KMO: variants seen among roughly 807,000 people sequenced by gnomAD.
KMO encodes the protein kynurenine 3-hydroxylase.
In KMO, 24 loss-of-function variants were observed where a neutral mutation model predicts 57.8. The observed-to-expected ratio is 0.42, with a 90% CI of 0.30 to 0.58. KMO has a LOEUF of 0.58. KMO is among the 20% of genes least tolerant of loss of function. The pLI is 0.22. For missense variants in KMO, 483 were observed against 588.2 expected (o/e 0.82, Z 1.85); for synonymous variants, 210 against 193.6 (o/e 1.08, Z -0.70).
At chr1:241,538,517 T>C (rs949579761) in intron 1 of KMO, among the ~76,000 whole-genome samples, 1 of 152,196 alleles carries the variant, frequency 6.6e-6, no homozygotes. Flanking sequence ...TAGATGTATA[T>C]TGTTTGGCTA....
At chr1:241,542,546 T>A (rs980594610) in intron 1 of KMO, among the ~76,000 whole-genome samples, 1 of 152,246 alleles carries the variant, frequency 6.6e-6, no homozygotes, top group African/African-American at 2.4e-5. Flanking sequence ...ATCGTGAACG[T>A]TTGGTGCTTC....
At chr1:241,553,291 T>G (rs923842964) in intron 4 of KMO, among the ~76,000 whole-genome samples, 3 of 152,102 alleles carry the variant, frequency 2.0e-5, no homozygotes, top group Admixed American at 1.3e-4. Flanking sequence ...AGATATGGAG[T>G]AGACTAGAAA....
intron 1 of KMO, among the ~76,000 whole-genome samples, chr1:241,540,249 A>G (rs919399262): frequency 6.6e-6 from 1 of 152,192 alleles, no homozygotes; most frequent in African/African-American, 2.4e-5. Context: ...AGATAAAAAG[A>G]CAAAATACAA....
intron 1 of KMO, among the ~76,000 whole-genome samples, chr1:241,548,167 A>G (rs991870377): frequency 2.0e-5 from 3 of 152,022 alleles, no homozygotes; most frequent in African/African-American, 7.2e-5. Context: ...ACAGTGGCTC[A>G]TGCCTATAAT....
chr1:241,555,723 CAT>C (rs1661591635), intron 5 of KMO, 63 bp downstream of exon 5: 2 of 980,220 alleles, frequency 2.0e-6, no homozygotes, highest in Admixed American at 3.5e-5. Flanking sequence ...CTAATCTTGT[CAT>C]ATGATTTATT....
At chr1:241,537,311 T>C (rs566339531) in intron 1 of KMO, among the ~76,000 whole-genome samples, 45 of 152,324 alleles carry the variant, frequency 3.0e-4, no homozygotes, top group African/African-American at 1.0e-3. Context: ...TCACTTTCCC[T>C]GAAGTAAACG....
At position 241,560,682 on chromosome 1, in the gene KMO, A is replaced by G. The variant is rs1463571327; in HGVS notation, c.379A>G (p.Asn127Asp). Residue 127 changes from asparagine (N) to aspartate (D), a missense_variant, in exon 6 of 15, where the codon AAT becomes GAT. Transcript: ENST00000366559. Reference sequence around the variant, plus strand: ...TTCCTCAGCTGCTGAGAAATACCCCAATGTGAAAATGCACTTTAACCACAG... The same window carrying G: ...TTCCTCAGCTGCTGAGAAATACCCCGATGTGAAAATGCACTTTAACCACAG... ...DLLTAAEKYP[N>D]VKMHFNHRLL... The G allele has an allele frequency of 1.2e-6, 2 of 1,612,800 alleles. No individual in the cohort carries two copies. Among genetic ancestry groups the G allele is most frequent in the East Asian group, 4.5e-5 (2 of 44,846 alleles).
chr1:241,592,275 C>G lies in KMO; in HGVS notation c.*122C>G. The G allele has an allele frequency of 1.4e-6, 1 of 715,022 alleles. No homozygotes were observed. Among genetic ancestry groups the G allele is most frequent in the South Asian group, 1.8e-5 (1 of 55,180 alleles). 44.3% of individuals were successfully genotyped at this position (715,022 alleles called of 1,614,324 possible). On this transcript the variant is annotated 3_prime_UTR_variant, in exon 15 of 15. Coordinates refer to ENST00000366559, the MANE Select transcript of KMO (RefSeq NM_003679.5). ...AGATAGTGTTCTGCTTATAATTAAA[C>G]TGAATGTAGAGTATCTCTGTATGTT...
At chr1:241,533,612 C>T (rs1337133727) in intron 1 of KMO, among the ~76,000 whole-genome samples, 1 of 152,076 alleles carries the variant, frequency 6.6e-6, no homozygotes, top group Non-Finnish European at 1.5e-5. Flanking sequence ...AAATGTTGCA[C>T]AAAATGAGAA....
At chr1:241,539,137 C>A (rs370606798) in intron 1 of KMO, among the ~76,000 whole-genome samples, 1 of 152,136 alleles carries the variant, frequency 6.6e-6, no homozygotes, top group East Asian at 1.9e-4. Context: ...AATCCTAGCA[C>A]TTTGGGAGTC....
intron 5 of KMO, among the ~76,000 whole-genome samples, chr1:241,559,630 C>T (rs956778401): frequency 2.0e-5 from 3 of 151,916 alleles, no homozygotes; most frequent in African/African-American, 7.3e-5. Context: ...CCAAATCAAA[C>T]TGAAACAAAA....
chr1:241,585,045 G>A (rs2147981887), intron 10 of KMO, among the ~76,000 whole-genome samples: 1 of 151,888 alleles, frequency 6.6e-6, no homozygotes, highest in East Asian at 1.9e-4. Context: ...GGTCAACATG[G>A]TGAAACCCCG....
intron 10 of KMO, among the ~76,000 whole-genome samples, chr1:241,582,540 A>G (rs941010281): frequency 6.6e-6 from 1 of 152,082 alleles, no homozygotes; most frequent in African/African-American, 2.4e-5. Flanking sequence ...TGTTTGATCA[A>G]TTCTGCTGTT....
chr1:241,544,686 C>A (rs1336536474), intron 1 of KMO, among the ~76,000 whole-genome samples: 1 of 152,010 alleles, frequency 6.6e-6, no homozygotes, highest in African/African-American at 2.4e-5. Context: ...TTGACTTATT[C>A]TTTTTGTTTT....
chr1:241,586,609 A>C (rs928602586), intron 10 of KMO, 70 bp from the exon 11 acceptor site: 1 of 1,048,120 alleles, frequency 9.5e-7, no homozygotes, highest in African/African-American at 1.6e-5. Context: ...ATATCTATTC[A>C]AAATCAATAA....
chr1:241,537,868 C>T (rs974692351), intron 1 of KMO, among the ~76,000 whole-genome samples: 1 of 152,106 alleles, frequency 6.6e-6, no homozygotes, highest in African/African-American at 2.4e-5. Flanking sequence ...CCTCCCACAA[C>T]ACATGAGGAT....
intron 1 of KMO, among the ~76,000 whole-genome samples, chr1:241,538,491 G>A (rs1286175525): frequency 6.6e-6 from 1 of 152,156 alleles, no homozygotes; most frequent in Non-Finnish European, 1.5e-5. Context: ...TGTCTATAAG[G>A]AAGCTAGTGA....
chr1:241,583,220 C>T (rs1266309774), intron 10 of KMO, among the ~76,000 whole-genome samples: 1 of 151,982 alleles, frequency 6.6e-6, no homozygotes, highest in East Asian at 1.9e-4. Flanking sequence ...GCCACCACAG[C>T]TGGCACTGTG....
chr1:241,574,179 A>G (rs1278092225), intron 10 of KMO, among the ~76,000 whole-genome samples: 1 of 152,110 alleles, frequency 6.6e-6, no homozygotes. Context: ...ATGAGTCTTT[A>G]GGGTTTTCTA....
Sources: gnomAD v4.1 joint callset for allele counts (sites outside exome capture counted in the v4.1 genomes callset) on GRCh38, gnomAD v4.1.1 for gene constraint, MANE v1.5 for transcripts, NCBI Gene and HGNC (gene_info 2026-07-23, HGNC 2026-07-21) for gene names.